MED13L: variants seen among roughly 807,000 people sequenced by gnomAD.
MED13L encodes the protein mediator complex subunit 13L, also known as mediator of RNA polymerase II transcription subunit 13-like.
A neutral mutation model predicts 220.9 loss-of-function variants in MED13L; 7 were observed. The ratio of observed to expected loss-of-function variants is 0.03; its 90% CI spans 0.02 to 0.06. The LOEUF is 0.06. Among genes scored for constraint, MED13L ranks in the 10% least tolerant of loss-of-function variants. The probability of loss-of-function intolerance (pLI) is 1.00; values close to 1 mark genes in which losing one functional copy is unlikely to be tolerated. For missense variants in MED13L, 1,965 were observed against 2,760.5 expected (o/e 0.71, Z 6.46); for synonymous variants, 1,011 against 1,015.2 (o/e 1.00, Z 0.08).
At chr12:116,094,650 T>C (rs1247973354) in intron 4 of MED13L, among the ~76,000 whole-genome samples, 3 of 152,228 alleles carry the variant, frequency 2.0e-5, no homozygotes, top group Non-Finnish European at 4.4e-5. Flanking sequence ...CTGTATTTTA[T>C]GGTCTAAAGC....
At chr12:115,992,678 T>C (rs770806670) in intron 16 of MED13L, among the ~76,000 whole-genome samples, 1 of 152,206 alleles carries the variant, frequency 6.6e-6, no homozygotes, top group Non-Finnish European at 1.5e-5. Context: ...TGCACAGAAG[T>C]ACACATACTG....
chr12:116,007,864 A>G, intron 10 of MED13L: 1 of 537,416 alleles, frequency 1.9e-6, no homozygotes, highest in South Asian at 2.3e-5. Context: ...CAGACTGCCT[A>G]GTTTCAAATT....
intron 8 of MED13L, among the ~76,000 whole-genome samples, chr12:116,014,766 T>C (rs1879621866): frequency 6.6e-6 from 1 of 152,162 alleles, no homozygotes; most frequent in Non-Finnish European, 1.5e-5. Flanking sequence ...GACGCATTCA[T>C]ACATTGATAT....
intron 1 of MED13L, among the ~76,000 whole-genome samples, chr12:116,262,065 C>T (rs896757446): frequency 3.3e-5 from 5 of 152,186 alleles, no homozygotes; most frequent in African/African-American, 1.2e-4. Context: ...CCAATTCCTT[C>T]ATGTCCTTCA....
At chr12:116,267,212 C>CTA (rs2138577339) in intron 1 of MED13L, among the ~76,000 whole-genome samples, 1 of 152,228 alleles carries the variant, frequency 6.6e-6, no homozygotes, top group East Asian at 1.9e-4. Context: ...AATCACCCAG[C>CTA]GCATTAAAGG....
chr12:116,130,801 T>C (rs1876004216), intron 2 of MED13L, among the ~76,000 whole-genome samples: 1 of 152,000 alleles, frequency 6.6e-6, no homozygotes, highest in African/African-American at 2.4e-5. Context: ...AGGTGTTGAA[T>C]ATATGTGGAT....
At chr12:116,124,123 CGAGAG>C (rs1410390894) in intron 2 of MED13L, among the ~76,000 whole-genome samples, 2,707 of 133,626 alleles carry the variant, frequency 0.02, 88 homozygotes, top group East Asian at 0.091. Context: ...GAGAGAAAGA[CGAGAG>C]AGAGAGAGAG....
intron 2 of MED13L, among the ~76,000 whole-genome samples, chr12:116,224,822 C>T (rs974000535): frequency 3.9e-5 from 6 of 152,122 alleles, no homozygotes; most frequent in Non-Finnish European, 5.9e-5. Flanking sequence ...GGACTGCAGG[C>T]ACACGCCACT....
chr12:115,992,399 AT>A (rs11407294), intron 16 of MED13L, among the ~76,000 whole-genome samples: 64 of 150,380 alleles, frequency 4.3e-4, no homozygotes, highest in African/African-American at 1.2e-3. Flanking sequence ...CATTTTTGTC[AT>A]TTTTTTTTTG....
intron 2 of MED13L, among the ~76,000 whole-genome samples, chr12:116,166,142 T>A (rs1879253317): frequency 6.6e-6 from 1 of 152,152 alleles, no homozygotes; most frequent in South Asian, 2.1e-4. Flanking sequence ...GGCAGGAGAA[T>A]CACTTGAGGC....
At chr12:115,965,835 C>T (rs1227062339) in intron 29 of MED13L, among the ~76,000 whole-genome samples, 1 of 152,122 alleles carries the variant, frequency 6.6e-6, no homozygotes, top group East Asian at 1.9e-4. Flanking sequence ...TAGATTTACC[C>T]TCTGGGCCCC....
At chr12:116,190,307 G>A (rs1881188171) in intron 2 of MED13L, among the ~76,000 whole-genome samples, 1 of 152,062 alleles carries the variant, frequency 6.6e-6, no homozygotes, top group Non-Finnish European at 1.5e-5. Flanking sequence ...AATCATCAAT[G>A]GATTATTGTG....
At chr12:116,250,921 C>A (rs1713342966) in intron 1 of MED13L, among the ~76,000 whole-genome samples, 1 of 150,920 alleles carries the variant, frequency 6.6e-6, no homozygotes. Context: ...AACAATAGCA[C>A]AAAGGCCAGA....
At chr12:116,008,267 T>C (rs1879175877) in intron 10 of MED13L, 134 bp downstream of exon 10, 3 of 1,259,432 alleles carry the variant, frequency 2.4e-6, no homozygotes, top group Non-Finnish European at 3.2e-6. Flanking sequence ...CATTAAACAT[T>C]TTCCATATCC....
At chr12:116,025,397 T>C (rs1880327657) in intron 4 of MED13L, among the ~76,000 whole-genome samples, 1 of 152,214 alleles carries the variant, frequency 6.6e-6, no homozygotes, top group African/African-American at 2.4e-5. Context: ...CCAAAGGAAA[T>C]GAACTCAGTA....
chr12:116,046,003 T>C (rs1278535896), intron 4 of MED13L, among the ~76,000 whole-genome samples: 3 of 151,990 alleles, frequency 2.0e-5, no homozygotes, highest in Non-Finnish European at 4.4e-5. Context: ...TAAAATCAAC[T>C]CTGGAGAAAG....
chr12:116,010,627 C>T (rs897167633), intron 9 of MED13L, among the ~76,000 whole-genome samples: 1 of 152,000 alleles, frequency 6.6e-6, no homozygotes, highest in Non-Finnish European at 1.5e-5. Flanking sequence ...CAGACGAAGT[C>T]GGCACACTAT....
intron 2 of MED13L, among the ~76,000 whole-genome samples, chr12:116,194,472 C>G (rs1213235774): frequency 6.6e-6 from 1 of 152,134 alleles, no homozygotes; most frequent in Non-Finnish European, 1.5e-5. Flanking sequence ...GCCACCCCTA[C>G]TTCTTTTTAA....
intron 1 of MED13L, among the ~76,000 whole-genome samples, chr12:116,258,376 C>CA (rs1430511618): frequency 3.9e-5 from 6 of 152,134 alleles, no homozygotes; most frequent in Non-Finnish European, 8.8e-5. Flanking sequence ...TGCACGCCTG[C>CA]AGCAAGCACT....
Sources: allele counts gnomAD v4.1 joint callset (sites outside exome capture counted in the v4.1 genomes callset), GRCh38; gene constraint gnomAD v4.1.1; transcripts MANE v1.5; gene names NCBI Gene and HGNC (gene_info 2026-07-23, HGNC 2026-07-21).